The following PCBP3 variants were observed in gnomAD, a reference collection of about 807,000 sequenced individuals.
The protein encoded by PCBP3 is poly(rC) binding protein 3, also known as poly(rC)-binding protein 3.
A neutral mutation model predicts 52.7 loss-of-function variants in PCBP3; 25 were observed. That is an observed-to-expected ratio of 0.47 (90% CI 0.35 to 0.66). The LOEUF (loss-of-function observed/expected upper bound fraction) is 0.66, where lower values mean the gene tolerates loss of function less well. PCBP3 is among the 30% of genes least tolerant of loss of function. PCBP3 has a pLI of 0.01. For synonymous variants in PCBP3, 162 were observed against 183.0 expected (o/e 0.89, Z 0.93); for missense variants, 391 against 490.3 (o/e 0.80, Z 1.91).
At chr21:45,927,982 G>A (rs2075701135) in intron 13 of PCBP3, among the ~76,000 whole-genome samples, 1 of 152,190 alleles carries the variant, frequency 6.6e-6, no homozygotes, top group Non-Finnish European at 1.5e-5. Context: ...TCAGCGTCCT[G>A]TGGCTGTGGA....
intron 4 of PCBP3, chr21:45,762,918 G>C (rs2088860688): frequency 6.6e-6 from 1 of 152,204 alleles, no homozygotes; most frequent in Non-Finnish European, 1.5e-5. Context: ...CCTTCCAGGG[G>C]GTCATGTGAG....
intron 4 of PCBP3, among the ~76,000 whole-genome samples, chr21:45,810,689 A>G (rs1434696552): frequency 6.6e-6 from 1 of 152,058 alleles, no homozygotes; most frequent in African/African-American, 2.4e-5. Context: ...TGGTTTACGC[A>G]ATGACTTTGG....
intron 2 of PCBP3, among the ~76,000 whole-genome samples, chr21:45,718,207 CTTT>C (rs1037623779): frequency 7.4e-6 from 1 of 135,112 alleles, no homozygotes; most frequent in Non-Finnish European, 1.6e-5. Flanking sequence ...GTCTTCTCTC[CTTT>C]TTTTTTTTTG....
intron 5 of PCBP3, among the ~76,000 whole-genome samples, chr21:45,863,401 C>A (rs1053374018): frequency 6.6e-5 from 10 of 152,250 alleles, no homozygotes; most frequent in Non-Finnish European, 1.3e-4. Context: ...CCCCCACCCA[C>A]CCCTTCCTAT....
chr21:45,823,301 G>A (rs2093202247), intron 4 of PCBP3, among the ~76,000 whole-genome samples: 1 of 152,160 alleles, frequency 6.6e-6, no homozygotes, highest in African/African-American at 2.4e-5. Flanking sequence ...AGGAACACAG[G>A]GTTTCAGAGT....
intron 2 of PCBP3, among the ~76,000 whole-genome samples, chr21:45,706,750 A>T (rs2083475217): frequency 6.6e-6 from 1 of 152,240 alleles, no homozygotes; most frequent in African/African-American, 2.4e-5. Flanking sequence ...ATGTGCACTT[A>T]GGGTGAGCAC....
chr21:45,870,540 G>A (rs936319188), intron 5 of PCBP3, among the ~76,000 whole-genome samples: 1 of 152,190 alleles, frequency 6.6e-6, no homozygotes, highest in Non-Finnish European at 1.5e-5. Context: ...CATGACCACC[G>A]CCTGCAGCCT....
intron 9 of PCBP3, among the ~76,000 whole-genome samples, chr21:45,901,994 G>A (rs1259125645): frequency 6.6e-6 from 1 of 152,208 alleles, no homozygotes; most frequent in African/African-American, 2.4e-5. Flanking sequence ...GGCCATGGTG[G>A]GGGTCGGCGC....
At chr21:45,852,627 C>T (rs59340871) in intron 5 of PCBP3, among the ~76,000 whole-genome samples, 1 of 144,192 alleles carries the variant, frequency 6.9e-6, no homozygotes, top group Admixed American at 6.9e-5. Context: ...CTGCGGCCAC[C>T]CTGACTTCTG....
At chr21:45,690,634 A>G (rs1436378728) in intron 2 of PCBP3, among the ~76,000 whole-genome samples, 1 of 152,132 alleles carries the variant, frequency 6.6e-6, no homozygotes, top group Non-Finnish European at 1.5e-5. Flanking sequence ...GGAAACAACA[A>G]CTCAATAAAA....
At chr21:45,712,684 G>GGGTTGCT (rs1457770780) in intron 2 of PCBP3, among the ~76,000 whole-genome samples, 4 of 151,964 alleles carry the variant, frequency 2.6e-5, no homozygotes, top group African/African-American at 9.7e-5. Context: ...TTTCTTGTGA[G>GGGTTGCT]GGTTGCTCTT....
intron 1 of PCBP3, among the ~76,000 whole-genome samples, chr21:45,650,670 G>C (rs939485487): frequency 2.6e-5 from 4 of 152,130 alleles, no homozygotes; most frequent in Non-Finnish European, 5.9e-5. Context: ...GCCCAGGCTG[G>C]TCTTCAACTC....
At chr21:45,747,054 A>G (rs965658636) in intron 3 of PCBP3, among the ~76,000 whole-genome samples, 5 of 152,208 alleles carry the variant, frequency 3.3e-5, no homozygotes. Context: ...GAGATACCCG[A>G]GACTGGGTAA....
Position 45,896,355 on chromosome 21 carries a change from A to G in PCBP3, c.158A>G (p.His53Arg). ...NVTLTIRLLM[H>R]GKEVGSIIGK... ...ACCCTCACCATCCGCCTGCTGATGC[A>G]TGGAAAGGTAAGAGGAGCCGCCATT... The change falls in exon 6 of 18, where the codon CAT becomes CGT. Residue 53 changes from histidine to arginine, a missense_variant. By Grantham distance (29) the His-to-Arg change is conservative. Coordinates refer to ENST00000681687, the MANE Select transcript of PCBP3 (RefSeq NM_001384156.1). The G allele has an allele frequency of 1.3e-6, 2 of 1,551,754 alleles. No individual in the cohort carries two copies. Among genetic ancestry groups the G allele is most frequent in the Non-Finnish European group, 1.7e-6 (2 of 1,146,988 alleles).
intron 9 of PCBP3, among the ~76,000 whole-genome samples, chr21:45,902,672 C>T (rs2096091312): frequency 6.6e-6 from 1 of 152,236 alleles, no homozygotes; most frequent in Non-Finnish European, 1.5e-5. Flanking sequence ...GAGGACACAT[C>T]CCATAGCCAT....
intron 2 of PCBP3, among the ~76,000 whole-genome samples, chr21:45,700,635 G>A (rs184011236): frequency 1.6e-4 from 25 of 152,218 alleles, no homozygotes; most frequent in South Asian, 4.2e-4. Flanking sequence ...TGTGCCATAG[G>A]TATCCCGTGC....
At chr21:45,722,721 G>A (rs1387448073) in intron 2 of PCBP3, among the ~76,000 whole-genome samples, 1 of 152,094 alleles carries the variant, frequency 6.6e-6, no homozygotes, top group African/African-American at 2.4e-5. Flanking sequence ...GGTAAATGTA[G>A]CCGGGCACAG....
intron 4 of PCBP3, among the ~76,000 whole-genome samples, chr21:45,779,490 TTC>T: frequency 6.6e-6 from 1 of 152,346 alleles, no homozygotes; most frequent in Non-Finnish European, 1.5e-5. Context: ...TGAATTCACA[TTC>T]TCTCTTGGGT....
At chr21:45,811,719 T>C (rs761164354) in intron 4 of PCBP3, among the ~76,000 whole-genome samples, 3 of 152,270 alleles carry the variant, frequency 2.0e-5, no homozygotes, top group Non-Finnish European at 4.4e-5. Context: ...TTTTTTCTCA[T>C]TGTTTTACTT....
Sources: gnomAD v4.1 joint callset for allele counts (sites outside exome capture counted in the v4.1 genomes callset) on GRCh38, gnomAD v4.1.1 for gene constraint, MANE v1.5 for transcripts, NCBI Gene and HGNC (gene_info 2026-07-23, HGNC 2026-07-21) for gene names.